Variants in AP3B1 observed in about 807,000 individuals in gnomAD.
The protein encoded by AP3B1 is AP-3 complex subunit beta-1.
AP3B1 carries 61 observed loss-of-function variants against 132.5 expected under a neutral mutation model. The ratio of observed to expected loss-of-function variants is 0.46; its 90% CI spans 0.37 to 0.57. The LOEUF is 0.57. AP3B1 is among the 20% of genes least tolerant of loss of function. AP3B1 has a pLI of 0.00. For synonymous variants in AP3B1, 388 were observed against 438.3 expected (o/e 0.89, Z 1.43); for missense variants, 1,120 against 1,289.4 (o/e 0.87, Z 2.01).
chr5:78,122,547 C>A (rs894748029), intron 17 of AP3B1, among the ~76,000 whole-genome samples: 3 of 152,076 alleles, frequency 2.0e-5, no homozygotes, highest in African/African-American at 7.2e-5. Context: ...TCTTATACAC[C>A]AATAACGGAC....
intron 13 of AP3B1, among the ~76,000 whole-genome samples, chr5:78,157,784 C>T (rs1263653151): frequency 6.6e-6 from 1 of 151,642 alleles, no homozygotes. Flanking sequence ...GAGTCTTGTT[C>T]TGTGGCCCAG....
At chr5:78,216,661 C>T (rs9293733) in intron 6 of AP3B1, among the ~76,000 whole-genome samples, 7 of 151,756 alleles carry the variant, frequency 4.6e-5, no homozygotes, top group Non-Finnish European at 8.8e-5. Flanking sequence ...AAAATGAGAA[C>T]GACAATCATT....
At chr5:78,047,185 A>G (rs1748372365) in intron 22 of AP3B1, among the ~76,000 whole-genome samples, 1 of 152,232 alleles carries the variant, frequency 6.6e-6, no homozygotes, top group Admixed American at 6.5e-5. Context: ...TCTTTATAGT[A>G]GAATGATTTA....
chr5:78,281,167 G>A (rs181520926), intron 1 of AP3B1, among the ~76,000 whole-genome samples: 70 of 152,242 alleles, frequency 4.6e-4, no homozygotes, highest in Admixed American at 4.6e-3. Context: ...GGGCGCAGTG[G>A]CTCGCGCCTG....
intron 2 of AP3B1, among the ~76,000 whole-genome samples, chr5:78,257,010 G>A (rs550616166): frequency 1.6e-4 from 25 of 152,168 alleles, no homozygotes; most frequent in Non-Finnish European, 3.4e-4. Flanking sequence ...GGAATAGAAG[G>A]AACATACATC....
At chr5:78,121,907 A>G (rs1436518812) in intron 17 of AP3B1, 1 of 152,362 alleles carries the variant, frequency 6.6e-6, no homozygotes, top group African/African-American at 2.4e-5. Context: ...AGAGAATTTT[A>G]GACCAATATC....
intron 17 of AP3B1, among the ~76,000 whole-genome samples, chr5:78,122,243 C>T (rs1446750119): frequency 1.3e-5 from 2 of 152,198 alleles, no homozygotes; most frequent in Admixed American, 1.3e-4. Context: ...CAATATCATA[C>T]AGCATGGGCA....
Position 78,294,398 on chromosome 5 carries a change from T to A in AP3B1, c.128+54A>T, listed in dbSNP as rs906203348. On this transcript the variant is annotated intron_variant, in intron 1 of 26. Transcript: ENST00000255194. ...GGAAGCCCACCCTGGCGCCCACTCCTCCGAGTCCGCAGCTCCTCCCTCCCA... is the reference window on the plus strand; with the variant it reads ...GGAAGCCCACCCTGGCGCCCACTCCACCGAGTCCGCAGCTCCTCCCTCCCA... The A allele has an allele frequency of 1.9e-5, 31 of 1,611,612 alleles. No homozygotes were observed. In the Admixed American group the frequency reaches 3.7e-4, roughly 19 times the overall value.
intron 1 of AP3B1, among the ~76,000 whole-genome samples, chr5:78,292,826 GT>G (rs35617749): frequency 6.6e-6 from 1 of 151,074 alleles, no homozygotes; most frequent in African/African-American, 2.4e-5. Flanking sequence ...AAAGCCGTAA[GT>G]TTTTTTTGTT....
intron 11 of AP3B1, 131 bp from the exon 12 acceptor site, chr5:78,165,803 T>C (rs943389580): frequency 1.3e-6 from 1 of 743,040 alleles, no homozygotes; most frequent in Non-Finnish European, 2.4e-6. Context: ...GCACAGTGGC[T>C]CATGCCTGTA....
intron 15 of AP3B1, among the ~76,000 whole-genome samples, chr5:78,132,081 A>G (rs1244414775): frequency 1.3e-5 from 2 of 152,188 alleles, no homozygotes; most frequent in African/African-American, 4.8e-5. Flanking sequence ...ATGGTTTTTC[A>G]ACATCAGTTT....
At chr5:78,174,831 A>G (rs1236948574) in intron 11 of AP3B1, among the ~76,000 whole-genome samples, 1 of 152,204 alleles carries the variant, frequency 6.6e-6, no homozygotes, top group Admixed American at 6.5e-5. Flanking sequence ...CCCAGAGTGG[A>G]GTCTATAGAG....
At chr5:78,189,583 T>C (rs1366605444) in intron 7 of AP3B1, among the ~76,000 whole-genome samples, 1 of 152,080 alleles carries the variant, frequency 6.6e-6, no homozygotes, top group Non-Finnish European at 1.5e-5. Context: ...TTTAAAAAAT[T>C]ATGCGGCCAG....
chr5:78,267,740 G>C (rs866898600), intron 1 of AP3B1, 145 bp from the exon 2 acceptor site: 1 of 525,098 alleles, frequency 1.9e-6, no homozygotes. Context: ...GCAGGCCAGA[G>C]AGAAAGGCCT....
intron 7 of AP3B1, among the ~76,000 whole-genome samples, chr5:78,182,947 C>T (rs993356195): frequency 6.6e-6 from 1 of 152,176 alleles, no homozygotes; most frequent in African/African-American, 2.4e-5. Context: ...TAAGCCCATC[C>T]ATTAGTGTCA....
At chr5:78,292,284 A>G (rs541296680) in intron 1 of AP3B1, among the ~76,000 whole-genome samples, 1 of 152,220 alleles carries the variant, frequency 6.6e-6, no homozygotes, top group Non-Finnish European at 1.5e-5. Flanking sequence ...CTTCCAGAAC[A>G]GGGGTCTCCT....
intron 7 of AP3B1, among the ~76,000 whole-genome samples, chr5:78,215,341 C>T (rs891487823): frequency 2.6e-5 from 4 of 151,418 alleles, no homozygotes; most frequent in Admixed American, 6.6e-5. Flanking sequence ...TTTAAAATTA[C>T]CTTAAATCTT....
At chr5:78,162,528 A>AAGATACAATC (rs1485683295) in intron 13 of AP3B1, among the ~76,000 whole-genome samples, 1 of 152,182 alleles carries the variant, frequency 6.6e-6, no homozygotes, top group Non-Finnish European at 1.5e-5. Flanking sequence ...AAAGGTGGAA[A>AAGATACAATC]AGATACAATC....
intron 25 of AP3B1, chr5:78,015,751 G>A (rs1746831754): frequency 1.9e-6 from 1 of 531,696 alleles, no homozygotes; most frequent in Non-Finnish European, 3.3e-6. Flanking sequence ...ATAGGAAAAT[G>A]TGTAAAAATT....
Sources: allele counts gnomAD v4.1 joint callset (sites outside exome capture counted in the v4.1 genomes callset), GRCh38; gene constraint gnomAD v4.1.1; transcripts MANE v1.5; gene names NCBI Gene and HGNC (gene_info 2026-07-23, HGNC 2026-07-21).